The following BCAR3 variants were observed in gnomAD, a reference collection of about 807,000 sequenced individuals.
The protein encoded by BCAR3 is breast cancer anti-estrogen resistance protein 3.
A neutral mutation model predicts 80.1 loss-of-function variants in BCAR3; 37 were observed. That is an observed-to-expected ratio of 0.46 (90% CI 0.36 to 0.61). BCAR3 has a LOEUF of 0.61. Among genes scored for constraint, BCAR3 ranks in the 20% least tolerant of loss-of-function variants. BCAR3 has a pLI of 0.00. For missense variants in BCAR3, 978 were observed against 1,068.2 expected (o/e 0.92, Z 1.18); for synonymous variants, 389 against 418.9 (o/e 0.93, Z 0.87).
chr1:93,703,154 T>A (rs185911014), intron 3 of BCAR3, among the ~76,000 whole-genome samples: 7 of 152,340 alleles, frequency 4.6e-5, no homozygotes, highest in Middle Eastern at 6.8e-3. Context: ...GGACTGCTTA[T>A]CATATATACT....
rs562628797 is a variant in BCAR3 at position 93,590,455 on chromosome 1, G to A, written c.487-1036C>T. ...GGGGCTAAAATGTTAGCAATAACTC[G>A]TTATTACGGTTATGGTTATAGTGTT... is the stretch of plus-strand genomic sequence containing the variant. On this transcript the variant is annotated intron_variant, in intron 4 of 11. Transcript: ENST00000260502. 12 of 152,276 alleles carry A rather than the reference G, an allele frequency of 7.9e-5. No homozygotes were observed. In the East Asian group the frequency reaches 1.2e-3, roughly 15 times the overall value. The allele number at this position is 152,276 out of a possible 1,614,324, so 9.4% of individuals were successfully genotyped here.
At chr1:93,564,278 A>ATTTC (rs1232275488) in intron 11 of BCAR3, among the ~76,000 whole-genome samples, 1 of 138,646 alleles carries the variant, frequency 7.2e-6, no homozygotes, top group Non-Finnish European at 1.5e-5. Context: ...TGTCCTAAGA[A>ATTTC]TTTCTTTCTT....
chr1:93,702,423 G>A (rs931549290), intron 3 of BCAR3, among the ~76,000 whole-genome samples: 2 of 152,234 alleles, frequency 1.3e-5, no homozygotes, highest in Non-Finnish European at 2.9e-5. Context: ...TCAGGCCCAG[G>A]TCAGAGGAGG....
intron 2 of BCAR3, among the ~76,000 whole-genome samples, chr1:93,843,959 T>C (rs1655052943): frequency 6.6e-6 from 1 of 152,114 alleles, no homozygotes; most frequent in Non-Finnish European, 1.5e-5. Context: ...ATATATACAG[T>C]AGAAGTATAG....
At chr1:93,756,410 G>T (rs1225479097) in intron 2 of BCAR3, among the ~76,000 whole-genome samples, 3 of 152,104 alleles carry the variant, frequency 2.0e-5, no homozygotes, top group Non-Finnish European at 2.9e-5. Context: ...ACCCTCCTTT[G>T]CATGGGACAC....
intron 2 of BCAR3, among the ~76,000 whole-genome samples, chr1:93,774,857 G>T (rs982277488): frequency 6.6e-6 from 1 of 152,184 alleles, no homozygotes; most frequent in African/African-American, 2.4e-5. Context: ...TTCCTTGCCA[G>T]GGAATTCCAA....
At position 93,562,363 on chromosome 1, in the gene BCAR3, A is replaced by G. The variant is rs755856869; in HGVS notation, c.2356T>C (p.Leu786=). 1.1e-5 allele frequency: 18 copies of G among 1,614,110 alleles called. No homozygotes were observed. The highest frequency in any genetic ancestry group is 2.7e-5 in the African/African-American group (2 of 75,048). The stretch of plus-strand genomic sequence containing the variant: ...TGTGCACCTTTGCTGCCCCATAGCA[A>G]TCGCATTTGAAATTCAGTCTTGCAG... ...EICKTEFQMR[L]LWGSKGAQVN... is the part of the protein sequence containing the mutation. Residue 786 remains leucine, a synonymous_variant, in exon 12 of 12, where the codon TTG becomes CTG. Transcript: ENST00000260502.
chr1:93,812,561 C>T (rs532588677), intron 2 of BCAR3, among the ~76,000 whole-genome samples: 1 of 152,318 alleles, frequency 6.6e-6, no homozygotes, highest in African/African-American at 2.4e-5. Flanking sequence ...GTCTTTGCTT[C>T]CTTAGAAGGC....
chr1:93,652,095 G>C (rs1676343874), intron 2 of BCAR3, among the ~76,000 whole-genome samples: 1 of 152,188 alleles, frequency 6.6e-6, no homozygotes, highest in African/African-American at 2.4e-5. Flanking sequence ...CCGAGAAAAG[G>C]ATAAGACTAA....
At chr1:93,613,842 C>T (rs1484495677) in intron 3 of BCAR3, 2 of 1,550,246 alleles carry the variant, frequency 1.3e-6, no homozygotes, top group Admixed American at 2.0e-5. Flanking sequence ...CCAAACCAAA[C>T]CTACCTTGAC....
intron 6 of BCAR3, 113 bp downstream of exon 6, chr1:93,583,905 A>C (rs1673831019): frequency 1.0e-6 from 1 of 1,005,022 alleles, no homozygotes; most frequent in South Asian, 1.6e-5. Context: ...TCCAGGCTGC[A>C]GGCCTGAGGC....
chr1:93,746,704 T>C (rs763037979), intron 2 of BCAR3, among the ~76,000 whole-genome samples: 1 of 152,302 alleles, frequency 6.6e-6, no homozygotes, highest in East Asian at 1.9e-4. Context: ...TCTTTGTTTT[T>C]CCCTTTGCAG....
intron 2 of BCAR3, among the ~76,000 whole-genome samples, chr1:93,836,888 C>T (rs372412657): frequency 6.6e-6 from 1 of 151,116 alleles, no homozygotes; most frequent in African/African-American, 2.4e-5. Flanking sequence ...CATCTTGTGA[C>T]CCCCGCCCCT....
rs1162350558 is a variant in BCAR3 at position 93,582,684 on chromosome 1, C to G, written c.1303G>C (p.Ala435Pro). 6.2e-7 allele frequency: 1 copy of G among 1,614,044 alleles called. No homozygotes were observed. Among genetic ancestry groups the G allele is most frequent in the Non-Finnish European group, 8.5e-7 (1 of 1,180,002 alleles). Residue 435 changes from alanine (A) to proline (P), a missense_variant, in exon 7 of 12, where the codon GCG becomes CCG. Physicochemically the swap from Ala to Pro is conservative, Grantham distance 27. Coordinates refer to ENST00000260502, the MANE Select transcript of BCAR3 (RefSeq NM_003567.4). ...SEANYCELNP[A>P]FATGCGRGAK... ...CCCCTGCCGCAGCCTGTGGCAAACGCTGGGTTCAGTTCACAGTAGTTGGCC... is the reference window on the plus strand; with the variant it reads ...CCCCTGCCGCAGCCTGTGGCAAACGGTGGGTTCAGTTCACAGTAGTTGGCC...
intron 3 of BCAR3, among the ~76,000 whole-genome samples, chr1:93,640,140 G>T (rs1675932151): frequency 6.6e-6 from 1 of 152,112 alleles, no homozygotes. Flanking sequence ...CACCTCCCTT[G>T]ATTTATCTCC....
chr1:93,716,131 C>T (rs994293088), intron 2 of BCAR3, among the ~76,000 whole-genome samples: 12 of 152,206 alleles, frequency 7.9e-5, no homozygotes, highest in African/African-American at 2.4e-4. Context: ...AGCTAGCTCC[C>T]TATGTCTTAA....
At chr1:93,572,931 A>ATGTT (rs1673277488) in intron 8 of BCAR3, among the ~76,000 whole-genome samples, 1 of 152,076 alleles carries the variant, frequency 6.6e-6, no homozygotes, top group Admixed American at 6.6e-5. Flanking sequence ...CATTTCTCTA[A>ATGTT]TGTTTGTTAA....
intron 2 of BCAR3, among the ~76,000 whole-genome samples, chr1:93,717,898 A>C (rs1650246459): frequency 6.6e-6 from 1 of 152,138 alleles, no homozygotes; most frequent in Non-Finnish European, 1.5e-5. Context: ...TTAATATTAA[A>C]AACAAAATCA....
At chr1:93,812,965 C>G (rs1050798033) in intron 2 of BCAR3, among the ~76,000 whole-genome samples, 4 of 152,176 alleles carry the variant, frequency 2.6e-5, no homozygotes, top group African/African-American at 9.7e-5. Flanking sequence ...TCATAGCAGT[C>G]TTTTTACTGT....
Sources: allele counts gnomAD v4.1 joint callset (sites outside exome capture counted in the v4.1 genomes callset), GRCh38; gene constraint gnomAD v4.1.1; transcripts MANE v1.5; gene names NCBI Gene and HGNC (gene_info 2026-07-23, HGNC 2026-07-21).